MRPS11: variants seen among roughly 807,000 people sequenced by gnomAD.
MRPS11 encodes the protein small ribosomal subunit protein uS11m.
Under a neutral mutation model 24.3 loss-of-function variants are expected in MRPS11, and 27 were observed. The ratio of observed to expected loss-of-function variants is 1.11; its 90% confidence interval spans 0.82 to 1.53. MRPS11 has a LOEUF of 1.53. MRPS11 is among the 40% of genes most tolerant of loss of function. The pLI is 0.00. For synonymous variants in MRPS11, 104 were observed against 98.7 expected, an observed-to-expected ratio of 1.05 and a Z score of -0.32; for missense variants, 277 against 256.5, an observed-to-expected ratio of 1.08 and a Z score of -0.55.
rs2055803959 is a variant in MRPS11, at chr15:88,475,525, T to C, written c.411+286T>C. Among the ~76,000 whole-genome samples the C allele has an allele frequency of 6.6e-6, 1 of 152,178 alleles. No homozygotes were observed. The highest frequency in any genetic ancestry group is 1.5e-5 in the Non-Finnish European group (1 of 68,040). On this transcript the variant is annotated intron_variant, in intron 4 of 5. Transcript: ENST00000325844. The surrounding 1 kb of genome is among the most constrained non-coding windows in gnomAD (Gnocchi z 4.1). ...AAAGACCCCTCAATTTAAAAACCGTTAGCCAGGTCTGGTGGCACCTGCCTG... is the reference window on the plus strand; with the variant it reads ...AAAGACCCCTCAATTTAAAAACCGTCAGCCAGGTCTGGTGGCACCTGCCTG...
Position 88,469,004 on chromosome 15 carries a change from T to C in MRPS11, c.182+980T>C, listed in dbSNP as rs985403245. The C allele has an allele frequency of 3.4e-5, 5 of 145,822 alleles. No individual in the cohort carries two copies. Among genetic ancestry groups the C allele is most frequent in the African/African-American group, 1.3e-4 (5 of 37,534 alleles). 9.0% of individuals were successfully genotyped at this position (145,822 alleles called of 1,614,324 possible). On this transcript the variant is annotated intron_variant, in intron 2 of 5. Coordinates refer to ENST00000325844, the MANE Select transcript of MRPS11 (RefSeq NM_022839.5). The surrounding 1 kb of genome is among the most constrained non-coding windows in gnomAD (Gnocchi z 4.4). ...CAGCCTGGGTGACAGATTGAGACTC[T>C]GTCTCAAAGAAAAAAAAAAAAAAAA... is the stretch of plus-strand genomic sequence containing the variant.
rs750719533 is a variant in MRPS11, at chr15:88,475,107, C to G, written c.282-3C>G. ...TCCTATGTGCTTCTTCTACTTTTCTCAGCACACAGATCCAGGTAGTCTCTG... is the reference window on the plus strand; with the variant it reads ...TCCTATGTGCTTCTTCTACTTTTCTGAGCACACAGATCCAGGTAGTCTCTG... On this transcript the variant is annotated splice_region_variant and splice_polypyrimidine_tract_variant and intron_variant, in intron 3 of 5. Coordinates refer to ENST00000325844, the MANE Select transcript of MRPS11 (RefSeq NM_022839.5). The surrounding 1 kb of genome is among the most constrained non-coding windows in gnomAD (Gnocchi z 4.1). 6.8e-5 allele frequency: 110 copies of G among 1,614,006 alleles called. 1 individual carries two copies. The highest frequency in any genetic ancestry group is 2.2e-4 in the Admixed American group (13 of 59,996).
chr15:88,471,913 T>A (rs950454982), intron 2 of MRPS11, among the ~76,000 whole-genome samples: 1 of 151,586 alleles, frequency 6.6e-6, no homozygotes, highest in African/African-American at 2.4e-5. Flanking sequence ...CTGACTGATG[T>A]TCAGCCTGCA....
chr15:88,469,489 G>T lies in MRPS11; in HGVS notation c.182+1465G>T, dbSNP rs80007065. On this transcript the variant is annotated intron_variant, in intron 2 of 5. Transcript: ENST00000325844. This position sits in a 1 kb window ranked among gnomAD's most constrained non-coding sequence, Gnocchi z 4.4. ...AACAAGTAAAATGTAGGAGTATAAC[G>T]GTTGGAAAGGGGAAGTGGGGGTCAA... 6.6e-6 allele frequency among the ~76,000 whole-genome samples: 1 copy of T among 152,152 alleles called. No individual in the cohort carries two copies. Among genetic ancestry groups the T allele is most frequent in the Non-Finnish European group, 1.5e-5 (1 of 68,020 alleles).
intron 2 of MRPS11, among the ~76,000 whole-genome samples, chr15:88,471,969 C>T (rs2055715428): frequency 6.6e-6 from 1 of 152,190 alleles, no homozygotes; most frequent in African/African-American, 2.4e-5. Context: ...CTATGGTCGA[C>T]TGGGCAAATC....
Position 88,468,034 on chromosome 15 carries a change from A to C in MRPS11, c.182+10A>C, listed in dbSNP as rs1308034329. The C allele has an allele frequency of 1.3e-6, 2 of 1,595,938 alleles. No homozygotes were observed. The highest frequency in any genetic ancestry group is 1.7e-6 in the Non-Finnish European group (2 of 1,170,970). On this transcript the variant is annotated intron_variant, in intron 2 of 5. Coordinates refer to ENST00000325844, the MANE Select transcript of MRPS11 (RefSeq NM_022839.5). ...GCCACACCAAGTTCAGGTGAGCCCCACTTGGACCAGCCCTCTGGAGACCCG... is the reference window on the plus strand; with the variant it reads ...GCCACACCAAGTTCAGGTGAGCCCCCCTTGGACCAGCCCTCTGGAGACCCG...
At chr15:88,476,904 C>T (rs2055833320) in intron 4 of MRPS11, 85 bp from the exon 5 acceptor site, 1 of 1,386,460 alleles carries the variant, frequency 7.2e-7, no homozygotes, top group East Asian at 2.4e-5. Context: ...TGAGCTCACA[C>T]ACCCCTTGCT....
intron 2 of MRPS11, among the ~76,000 whole-genome samples, chr15:88,471,390 T>C (rs577573492): frequency 6.6e-6 from 1 of 152,364 alleles, no homozygotes; most frequent in Non-Finnish European, 1.5e-5. Context: ...GATTATAATA[T>C]AATTTCTAAA....
At position 88,478,626 on chromosome 15, in the gene MRPS11, A is replaced by G. The variant is rs907525750; in HGVS notation, c.*647A>G. ...CACTAAAGTGGCAGTCATCGTTTAC[A>G]CTCCATGGGCTTCAGCAGTCCCAGC... On this transcript the variant is annotated 3_prime_UTR_variant, in exon 6 of 6. Transcript: ENST00000325844. The surrounding 1 kb of genome is among the most constrained non-coding windows in gnomAD (Gnocchi z 4.7). 4.6e-5 allele frequency: 7 copies of G among 153,248 alleles called. No homozygotes were observed. Among genetic ancestry groups the G allele is most frequent in the African/African-American group, 1.7e-4 (7 of 41,428 alleles). 9.5% of individuals were successfully genotyped at this position (153,248 alleles called of 1,614,324 possible).
chr15:88,475,256 T>C lies in MRPS11; in HGVS notation c.411+17T>C, dbSNP rs900749481. On this transcript the variant is annotated intron_variant, in intron 4 of 5. Transcript: ENST00000325844. This position sits in a 1 kb window ranked among gnomAD's most constrained non-coding sequence, Gnocchi z 4.1. Reference sequence around the variant, plus strand: ...GCAGCGGCGGTAAGTGTGTGTTCCTTCTGCTTCCTTCTAGTGTGTGTTTGC... The same window carrying C: ...GCAGCGGCGGTAAGTGTGTGTTCCTCCTGCTTCCTTCTAGTGTGTGTTTGC... 1.1e-5 allele frequency: 17 copies of C among 1,613,824 alleles called. No homozygotes were observed. Among genetic ancestry groups the C allele is most frequent in the Non-Finnish European group, 1.4e-5 (17 of 1,179,992 alleles).
rs191640164 is a variant in MRPS11 at position 88,470,947 on chromosome 15, G to C, written c.183-1680G>C. ...ATGTTTTGCCATTGGGAGCAGTGCA[G>C]TATAGAGGGGAAAAAACAAGTGATA... is the stretch of plus-strand genomic sequence containing the variant. On this transcript the variant is annotated intron_variant, in intron 2 of 5. Transcript: ENST00000325844. Among the ~76,000 whole-genome samples the C allele has an allele frequency of 2.0e-5, 3 of 152,336 alleles. No individual in the cohort carries two copies. The East Asian group carries it at 5.8e-4, about 29-fold the overall frequency.
rs1177621029 is a variant in MRPS11, at chr15:88,480,728, G to A, written c.*2749G>A. The A allele has an allele frequency of 6.6e-6, 1 of 152,170 alleles. No homozygotes were observed. Among genetic ancestry groups the A allele is most frequent in the Non-Finnish European group, 1.5e-5 (1 of 68,050 alleles). The allele number at this position is 152,170 out of a possible 1,614,324, so 9.4% of individuals were successfully genotyped here. Reference sequence around the variant, plus strand: ...CTTTATCGTGAGCTCTCGGTGCACAGTGTGGTTTCCAGGCTCTGAGTGGCC... The same window carrying A: ...CTTTATCGTGAGCTCTCGGTGCACAATGTGGTTTCCAGGCTCTGAGTGGCC... On this transcript the variant is annotated 3_prime_UTR_variant, in exon 6 of 6. Transcript: ENST00000325844. This position sits in a 1 kb window ranked among gnomAD's most constrained non-coding sequence, Gnocchi z 5.1.
intron 3 of MRPS11, among the ~76,000 whole-genome samples, 164 bp downstream of exon 3, chr15:88,472,889 A>G (rs2055745369): frequency 6.6e-6 from 1 of 152,094 alleles, no homozygotes; most frequent in Admixed American, 6.5e-5. Context: ...TTGAGGAACC[A>G]CCTGCCATCT....
At position 88,478,158 on chromosome 15, in the gene MRPS11, G is replaced by T; in HGVS notation, c.*179G>T. The T allele has an allele frequency of 1.7e-6, 1 of 604,816 alleles. No individual in the cohort carries two copies. Among genetic ancestry groups the T allele is most frequent in the Non-Finnish European group, 2.9e-6 (1 of 340,218 alleles). 37.5% of individuals were successfully genotyped at this position (604,816 alleles called of 1,614,324 possible). Reference sequence around the variant, plus strand: ...TGCACCTCCAGCTGGAGATGGGTGTGCCCCAGAAGTAAGCTTTGCATCTCT... The same window carrying T: ...TGCACCTCCAGCTGGAGATGGGTGTTCCCCAGAAGTAAGCTTTGCATCTCT... On this transcript the variant is annotated 3_prime_UTR_variant, in exon 6 of 6. Coordinates refer to ENST00000325844, the MANE Select transcript of MRPS11 (RefSeq NM_022839.5). This position sits in a 1 kb window ranked among gnomAD's most constrained non-coding sequence, Gnocchi z 4.7.
At chr15:88,474,244 A>G (rs1042541432) in intron 3 of MRPS11, among the ~76,000 whole-genome samples, 5 of 152,246 alleles carry the variant, frequency 3.3e-5, no homozygotes, top group African/African-American at 9.6e-5. Flanking sequence ...ATCATGGAAT[A>G]TAGTGTCATA....
chr15:88,474,432 G>A (rs950891637), intron 3 of MRPS11, among the ~76,000 whole-genome samples: 12 of 151,988 alleles, frequency 7.9e-5, no homozygotes, highest in Admixed American at 4.6e-4. Context: ...GGTGGTGCAC[G>A]CCTGTAATCC....
Position 88,467,717 on chromosome 15 carries a change from C to T in MRPS11, c.-1C>T, listed in dbSNP as rs1258040327. On this transcript the variant is annotated 5_prime_UTR_variant, in exon 1 of 6. Transcript: ENST00000325844. ...GAAACTGACTGGGGTCAATTCAAGT[C>T]ATGCAGGCTGTGAGAAACGCGGGGT... The T allele has an allele frequency of 1.2e-6, 2 of 1,614,142 alleles. No individual in the cohort carries two copies. The highest frequency in any genetic ancestry group is 1.7e-5 in the Admixed American group (1 of 60,032).
chr15:88,476,265 T>C (rs1426652406), intron 4 of MRPS11, among the ~76,000 whole-genome samples: 1 of 152,146 alleles, frequency 6.6e-6, no homozygotes, highest in East Asian at 1.9e-4. Context: ...ACCGATTCAG[T>C]TCACTGATCG....
intron 2 of MRPS11, among the ~76,000 whole-genome samples, chr15:88,470,512 G>T (rs2055672596): frequency 6.6e-6 from 1 of 152,170 alleles, no homozygotes; most frequent in Non-Finnish European, 1.5e-5. Flanking sequence ...TGGGAGACTA[G>T]GAAGAACCAT....
Sources: allele counts gnomAD v4.1 joint callset (sites outside exome capture counted in the v4.1 genomes callset), GRCh38; gene constraint gnomAD v4.1.1; non-coding constraint Gnocchi (gnomAD v3.1); transcripts MANE v1.5; gene names NCBI Gene and HGNC (gene_info 2026-07-23, HGNC 2026-07-21).